The following MYT1L variants were observed in gnomAD, a reference collection of about 807,000 sequenced individuals.
MYT1L encodes the protein myelin transcription factor 1-like protein.
In MYT1L, 12 loss-of-function variants were observed where a neutral mutation model predicts 126.7. The ratio of observed to expected loss-of-function variants is 0.09; its 90% CI spans 0.06 to 0.15. The LOEUF is 0.15. Ranked by LOEUF, MYT1L falls within the 10% of genes least tolerant of loss-of-function variation. The pLI is 1.00. For synonymous variants in MYT1L, 541 were observed against 604.2 expected, an observed-to-expected ratio of 0.90 and a Z score of 1.53; for missense variants, 979 against 1,585.2, an observed-to-expected ratio of 0.62 and a Z score of 6.49.
chr2:1,850,022 G>T (rs2043003963), intron 19 of MYT1L, among the ~76,000 whole-genome samples: 1 of 118,650 alleles, frequency 8.4e-6, no homozygotes, highest in African/African-American at 3.5e-5. Flanking sequence ...GCTCTAGGGG[G>T]CGGGGTGGTG....
At chr2:2,088,741 C>T (rs1445259574) in intron 3 of MYT1L, among the ~76,000 whole-genome samples, 1 of 152,134 alleles carries the variant, frequency 6.6e-6, no homozygotes, top group African/African-American at 2.4e-5. Flanking sequence ...TGCTTCTAAC[C>T]TGAATAATAC....
chr2:1,875,241 CT>C (rs2046762427), intron 18 of MYT1L, among the ~76,000 whole-genome samples: 1 of 152,034 alleles, frequency 6.6e-6, no homozygotes, highest in South Asian at 2.1e-4. Context: ...CAGTGACATC[CT>C]GAGGCGGGAA....
intron 3 of MYT1L, among the ~76,000 whole-genome samples, chr2:2,071,864 C>T (rs990865686): frequency 1.1e-4 from 16 of 152,194 alleles, no homozygotes; most frequent in African/African-American, 2.9e-4. Flanking sequence ...CAGGCTCAGG[C>T]GTGAGAACAG....
chr2:2,278,426 A>G (rs1261883362), intron 2 of MYT1L, among the ~76,000 whole-genome samples: 1 of 152,306 alleles, frequency 6.6e-6, no homozygotes, highest in East Asian at 1.9e-4. Flanking sequence ...AAGTATGGAG[A>G]ATTATAAAGA....
intron 8 of MYT1L, among the ~76,000 whole-genome samples, chr2:1,973,136 CCT>C (rs748030448): frequency 1.5e-4 from 23 of 150,344 alleles, no homozygotes; most frequent in Non-Finnish European, 1.3e-4. Flanking sequence ...CTAGGAATTT[CCT>C]CTCTCTCTCT....
At chr2:2,233,018 T>A (rs1277058169) in intron 2 of MYT1L, among the ~76,000 whole-genome samples, 5 of 152,190 alleles carry the variant, frequency 3.3e-5, no homozygotes, top group Non-Finnish European at 4.4e-5. Context: ...GTAAAAACGT[T>A]CAGGAAGCCC....
intron 8 of MYT1L, among the ~76,000 whole-genome samples, chr2:1,967,121 T>C (rs11900578): frequency 0.017 from 2,600 of 152,340 alleles, 70 homozygotes; most frequent in African/African-American, 0.058. Flanking sequence ...ATGGGTTCTT[T>C]CATCATTTCT....
intron 5 of MYT1L, among the ~76,000 whole-genome samples, chr2:1,992,489 C>T (rs1574299973): frequency 6.6e-6 from 1 of 152,192 alleles, no homozygotes; most frequent in Non-Finnish European, 1.5e-5. Flanking sequence ...CGCTGTGATG[C>T]CTTCTGTCCG....
intron 8 of MYT1L, among the ~76,000 whole-genome samples, chr2:1,966,665 AAAG>A (rs1400215024): frequency 6.6e-6 from 1 of 152,254 alleles, no homozygotes; most frequent in Non-Finnish European, 1.5e-5. Context: ...TTGAACAATA[AAAG>A]AATTGCATAA....
chr2:1,937,655 G>A (rs1032475111), intron 9 of MYT1L, among the ~76,000 whole-genome samples: 11 of 143,320 alleles, frequency 7.7e-5, no homozygotes, highest in Admixed American at 4.8e-4. Flanking sequence ...TAACATCCGC[G>A]GCCATCAGAT....
At chr2:1,967,208 G>A (rs2059434459) in intron 8 of MYT1L, among the ~76,000 whole-genome samples, 1 of 152,196 alleles carries the variant, frequency 6.6e-6, no homozygotes, top group Non-Finnish European at 1.5e-5. Flanking sequence ...TATCCTCTGG[G>A]AGAATCAGTG....
At chr2:2,308,909 A>G (rs1454566860) in intron 1 of MYT1L, among the ~76,000 whole-genome samples, 3 of 151,412 alleles carry the variant, frequency 2.0e-5, no homozygotes, top group Non-Finnish European at 4.4e-5. Context: ...GCTTCAGGAT[A>G]CTCTACCTGC....
At chr2:2,063,630 G>A (rs566931575) in intron 3 of MYT1L, among the ~76,000 whole-genome samples, 24 of 152,298 alleles carry the variant, frequency 1.6e-4, no homozygotes, top group East Asian at 5.8e-4. Flanking sequence ...GATCACCTGC[G>A]GTCGGGAGTT....
intron 3 of MYT1L, among the ~76,000 whole-genome samples, chr2:2,102,182 A>T (rs58809889): frequency 0.087 from 13,263 of 151,922 alleles, 764 homozygotes; most frequent in African/African-American, 0.16. Flanking sequence ...GCTTTTTTTT[A>T]TGTAAGAAAT....
intron 3 of MYT1L, among the ~76,000 whole-genome samples, chr2:2,064,561 G>A (rs1308590445): frequency 2.0e-5 from 3 of 152,098 alleles, no homozygotes; most frequent in Non-Finnish European, 2.9e-5. Context: ...GTACAGAGAG[G>A]AGACTTTAAG....
intron 2 of MYT1L, among the ~76,000 whole-genome samples, chr2:2,227,675 T>A (rs775697561): frequency 6.6e-6 from 1 of 152,302 alleles, no homozygotes. Context: ...AAAAACTCTT[T>A]CTTTTTGGGG....
At chr2:1,934,187 G>C (rs1272327077) in intron 9 of MYT1L, among the ~76,000 whole-genome samples, 1 of 151,200 alleles carries the variant, frequency 6.6e-6, no homozygotes, top group Non-Finnish European at 1.5e-5. Context: ...TGTTAGCCAG[G>C]ATGGTCTCGA....
At chr2:2,021,713 C>T (rs1177653032) in intron 4 of MYT1L, among the ~76,000 whole-genome samples, 5 of 152,100 alleles carry the variant, frequency 3.3e-5, no homozygotes, top group South Asian at 4.1e-4. Flanking sequence ...CTGGCTAACA[C>T]GGTGAAACTC....
At chr2:2,151,465 G>A (rs2085769982) in intron 3 of MYT1L, among the ~76,000 whole-genome samples, 1 of 151,594 alleles carries the variant, frequency 6.6e-6, no homozygotes, top group African/African-American at 2.4e-5. Context: ...AGACGTTAGG[G>A]GCCAAAGCCA....
Sources: allele counts gnomAD v4.1 joint callset (sites outside exome capture counted in the v4.1 genomes callset), GRCh38; gene constraint gnomAD v4.1.1; transcripts MANE v1.5; gene names NCBI Gene and HGNC (gene_info 2026-07-23, HGNC 2026-07-21).